FBXL5: variants seen among roughly 807,000 people sequenced by gnomAD.
The protein encoded by FBXL5 is F-box and leucine rich repeat protein 5.
A neutral mutation model predicts 78.3 loss-of-function variants in FBXL5; 26 were observed. The observed-to-expected ratio is 0.33, with a 90% confidence interval of 0.24 to 0.46. The LOEUF (loss-of-function observed/expected upper bound fraction) is 0.46. Ranked by LOEUF, FBXL5 falls within the 20% of genes least tolerant of loss-of-function variation. The probability of loss-of-function intolerance (pLI) is 1.00; values close to 1 mark genes in which losing one functional copy is unlikely to be tolerated. For synonymous variants in FBXL5, 295 were observed against 282.5 expected (o/e 1.04, Z -0.45); for missense variants, 710 against 829.2 (o/e 0.86, Z 1.77).
At chr4:15,671,072 C>T (rs1480533230) in intron 1 of FBXL5, among the ~76,000 whole-genome samples, 8 of 151,296 alleles carry the variant, frequency 5.3e-5, no homozygotes, top group African/African-American at 1.2e-4. Context: ...TACAGGTGCC[C>T]GCCACCACAC....
At position 15,605,748 on chromosome 4, in the gene FBXL5, C is replaced by T. The variant is rs376858405; in HGVS notation, c.2051G>A (p.Arg684Gln). The T allele has an allele frequency of 4.3e-6, 7 of 1,613,492 alleles. No individual in the cohort carries two copies. The African/African-American group carries it at 6.7e-5, about 15-fold the overall frequency. The stretch of plus-strand genomic sequence containing the variant: ...TCATTCGCCAGAGCGGCAGCAGGCT[C>T]GAAAACCACACTGCAAATTCTGGCA... ...SGCQNLQCGF[R>Q]ACCRSGE Residue 684 changes from arginine (R) to glutamine (Q), a missense_variant, in exon 11 of 11, where the codon CGA becomes CAA. This residue lies in a region of FBXL5 where 58 missense variants were observed against 112.3 expected (regional missense o/e 0.52). Transcript: ENST00000341285.
intron 6 of FBXL5, among the ~76,000 whole-genome samples, chr4:15,629,135 G>A (rs963632379): frequency 1.2e-4 from 18 of 152,132 alleles, no homozygotes; most frequent in African/African-American, 4.1e-4. Context: ...AAGCACTGAA[G>A]TAAATGACAG....
chr4:15,644,409 T>C (rs1469946292), intron 2 of FBXL5, 84 bp downstream of exon 2: 1 of 1,089,620 alleles, frequency 9.2e-7, no homozygotes, highest in South Asian at 1.4e-5. Flanking sequence ...CATCATTTAC[T>C]ATAAAACAGT....
chr4:15,655,229 T>G lies in FBXL5; in HGVS notation c.59A>C (p.Gln20Pro). Reference protein sequence around the residue: ...VFTAPHWRMKQLVGLYCDKLS... With the variant: ...VFTAPHWRMKPLVGLYCDKLS... ...CTTGTCGCAGTAGAGCCCCACCAGC[T>G]GCTTCATCCGCCAGTGTGGGGCGGT... Residue 20 changes from glutamine to proline, a missense_variant, in exon 1 of 11, where the codon CAG (glutamine) becomes CCG (proline). Gln to Pro is a moderately conservative substitution (Grantham distance 76). Transcript: ENST00000341285. The G allele has an allele frequency of 7.0e-7, 1 of 1,437,218 alleles. No individual in the cohort carries two copies. Among genetic ancestry groups the G allele is most frequent in the Non-Finnish European group, 9.3e-7 (1 of 1,074,882 alleles). The allele number at this position is 1,437,218 out of a possible 1,614,324, so 89.0% of individuals were successfully genotyped here.
intron 1 of FBXL5, among the ~76,000 whole-genome samples, chr4:15,652,088 G>A (rs1048540300): frequency 1.3e-5 from 2 of 152,094 alleles, no homozygotes; most frequent in Non-Finnish European, 2.9e-5. Context: ...CAGAGTAGAC[G>A]GTAGAAACTC....
At chr4:15,613,723 A>G (rs11930259) in intron 9 of FBXL5, among the ~76,000 whole-genome samples, 145,976 of 152,190 alleles carry the variant, frequency 0.96, 70,285 homozygotes, top group East Asian at 1. Context: ...TTCTATTGTC[A>G]AGACTTTCCA....
intron 7 of FBXL5, 137 bp from the exon 8 acceptor site, chr4:15,627,092 G>C: frequency 1.2e-5 from 3 of 257,852 alleles, no homozygotes; most frequent in Admixed American, 5.6e-5. Context: ...CTTGAAAAAA[G>C]TATAATAAAA....
chr4:15,620,862 T>C (rs574631262), intron 9 of FBXL5, among the ~76,000 whole-genome samples: 50 of 152,396 alleles, frequency 3.3e-4, no homozygotes, highest in African/African-American at 1.0e-3. Context: ...CTTAAGGGCA[T>C]GTTCCTGCTG....
chr4:15,631,388 G>T (rs1379737708), intron 5 of FBXL5, among the ~76,000 whole-genome samples: 1 of 152,216 alleles, frequency 6.6e-6, no homozygotes, highest in Non-Finnish European at 1.5e-5. Context: ...ATGTGCGCAT[G>T]TGTCTTTATA....
At chr4:15,678,071 T>C (rs1180724622) in intron 1 of FBXL5, among the ~76,000 whole-genome samples, 1 of 152,230 alleles carries the variant, frequency 6.6e-6, no homozygotes, top group Non-Finnish European at 1.5e-5. Context: ...GTTTCATACA[T>C]ACTTTCTTTT....
At chr4:15,677,248 T>A (rs370365497) in intron 1 of FBXL5, among the ~76,000 whole-genome samples, 12 of 152,240 alleles carry the variant, frequency 7.9e-5, no homozygotes, top group Admixed American at 7.8e-4. Flanking sequence ...GTTCGTCTTA[T>A]TACTCTTCTG....
At chr4:15,619,819 C>T (rs1006727110) in intron 9 of FBXL5, among the ~76,000 whole-genome samples, 1 of 152,116 alleles carries the variant, frequency 6.6e-6, no homozygotes, top group African/African-American at 2.4e-5. Context: ...CAGTTCCCCC[C>T]ACCCTCCCAA....
At chr4:15,656,468 C>G, upstream of FBXL5, 1 of 342,758 alleles carries the variant, frequency 2.9e-6, no homozygotes, top group African/African-American at 2.1e-5. Flanking sequence ...CCCTTGTTCT[C>G]TATTATCTAT....
chr4:15,631,238 G>A (rs985679432), intron 5 of FBXL5, among the ~76,000 whole-genome samples: 2 of 152,218 alleles, frequency 1.3e-5, no homozygotes, highest in African/African-American at 4.8e-5. Flanking sequence ...CCCTGCAAAG[G>A]ACATGAACTC....
At chr4:15,657,009 A>C (rs1717014767), upstream of FBXL5, among the ~76,000 whole-genome samples, 1 of 150,040 alleles carries the variant, frequency 6.7e-6, no homozygotes, top group Non-Finnish European at 1.5e-5. Flanking sequence ...CTGTCTTAAG[A>C]AGCAGGAATA....
At chr4:15,626,805 T>A in intron 8 of FBXL5, 68 bp downstream of exon 8, 1 of 1,104,722 alleles carries the variant, frequency 9.1e-7, no homozygotes, top group Non-Finnish European at 1.3e-6. Context: ...ATGATTAAAC[T>A]GCAATTACAT....
At chr4:15,668,740 G>T (rs1717646229) in intron 1 of FBXL5, among the ~76,000 whole-genome samples, 1 of 152,114 alleles carries the variant, frequency 6.6e-6, no homozygotes, top group African/African-American at 2.4e-5. Context: ...CAAGTTCCCA[G>T]ACTAATTTCT....
chr4:15,625,229 A>G (rs1037320927), intron 9 of FBXL5, 23 bp downstream of exon 9: 3 of 1,543,610 alleles, frequency 1.9e-6, no homozygotes, highest in South Asian at 1.2e-5. Context: ...CTATTTCTTA[A>G]TATTCTGGAA....
rs1223060549 is a variant in FBXL5 at position 15,604,924 on chromosome 4, CCAAAGA to C, written c.*793_*798del. Reference sequence around the variant, plus strand: ...TCAGGGTAATAAGTTCATGGGAGGTCCAAAGACAAAGTATGTAGTCCTATTCTATAC... The same window carrying C: ...TCAGGGTAATAAGTTCATGGGAGGTCCAAAGTATGTAGTCCTATTCTATAC... On this transcript the variant is annotated 3_prime_UTR_variant, in exon 11 of 11. Coordinates refer to ENST00000341285, the MANE Select transcript of FBXL5 (RefSeq NM_012161.4). 2.0e-5 allele frequency: 3 copies of C among 152,070 alleles called. No individual in the cohort carries two copies. The highest frequency in any genetic ancestry group is 7.2e-5 in the African/African-American group (3 of 41,416). 9.4% of individuals were successfully genotyped at this position (152,070 alleles called of 1,614,324 possible). A position where few individuals can be genotyped will look rare whatever the true frequency, so the allele number is the denominator to read the frequency against.
Sources: gnomAD v4.1 joint callset for allele counts (sites outside exome capture counted in the v4.1 genomes callset) on GRCh38, gnomAD v4.1.1 for gene constraint, gnomAD v4.1.1 regional missense constraint, MANE v1.5 for transcripts, NCBI Gene and HGNC (gene_info 2026-07-23, HGNC 2026-07-21) for gene names.